Variants in CASK observed in about 807,000 individuals in gnomAD.
CASK encodes calcium/calmodulin dependent serine protein kinase.
CASK carries 4 observed loss-of-function variants against 82.9 expected under a neutral mutation model. That is an observed-to-expected ratio of 0.05 (90% CI 0.02 to 0.11). The LOEUF (loss-of-function observed/expected upper bound fraction) is 0.11. CASK is among the 10% of genes least tolerant of loss of function. CASK has a pLI of 1.00. For missense variants in CASK, 358 were observed against 720.9 expected (o/e 0.50, Z 5.76); for synonymous variants, 259 against 253.5 (o/e 1.02, Z -0.20).
intron 11 of CASK, among the ~76,000 whole-genome samples, chrX:41,612,511 C>G (rs1404297980): frequency 9.2e-6 from 1 of 108,582 alleles, no homozygotes; most frequent in Non-Finnish European, 1.9e-5. Flanking sequence ...CGGCAGCCAC[C>G]CCGTCCGGGA....
At chrX:41,726,881 C>T (rs1407101717) in intron 5 of CASK, 5 of 352,032 alleles carry the variant, frequency 1.4e-5, no homozygotes, top group Non-Finnish European at 2.4e-5. Context: ...CCATCCAATA[C>T]ATTTTTGTTA....
At chrX:41,894,876 C>T (rs1310994363) in intron 1 of CASK, among the ~76,000 whole-genome samples, 1 of 112,233 alleles carries the variant, frequency 8.9e-6, no homozygotes, top group African/African-American at 3.2e-5. Flanking sequence ...TCTAGCAGTA[C>T]TGACTTTAAG....
chrX:41,818,610 T>TA (rs2070463682), intron 2 of CASK, among the ~76,000 whole-genome samples: 1 of 110,569 alleles, frequency 9.0e-6, no homozygotes, highest in South Asian at 3.9e-4. Flanking sequence ...CTCTATTTTT[T>TA]AAAAAATCCA....
intron 2 of CASK, among the ~76,000 whole-genome samples, chrX:41,838,245 A>G (rs2070964578): frequency 8.9e-6 from 1 of 112,502 alleles, no homozygotes; most frequent in East Asian, 2.8e-4. Flanking sequence ...GATGTTGAAC[A>G]TATTTTCATG....
chrX:41,742,147 G>C (rs1043187630), intron 4 of CASK, among the ~76,000 whole-genome samples: 5 of 111,926 alleles, frequency 4.5e-5, no homozygotes, highest in African/African-American at 1.6e-4. Flanking sequence ...ATGGTAAGTA[G>C]AACACGGGAT....
chrX:41,848,733 A>T (rs1221668602), intron 2 of CASK, among the ~76,000 whole-genome samples: 1 of 112,074 alleles, frequency 8.9e-6, no homozygotes, highest in East Asian at 2.8e-4. Flanking sequence ...GCCTTAGAGG[A>T]GCTCCATCCC....
At chrX:41,732,749 G>C (rs1332486447) in intron 5 of CASK, among the ~76,000 whole-genome samples, 2 of 98,725 alleles carry the variant, frequency 2.0e-5, no homozygotes, top group Middle Eastern at 0.011. Flanking sequence ...TTTTTTTTTT[G>C]AGATGGAGTC....
At chrX:41,549,262 G>A (rs890430944) in intron 21 of CASK, among the ~76,000 whole-genome samples, 1 of 111,470 alleles carries the variant, frequency 9.0e-6, no homozygotes, top group South Asian at 3.8e-4. Context: ...GATGCCCACT[G>A]ACATCCCAGA....
Position 41,683,763 on chromosome X carries a change from T to A in CASK, c.430-12233A>T, listed in dbSNP as rs187948952. ...GTTCAAGGGTCAACTGTAATCTTGG[T>A]ACCTAATGATACTAACATAATTACT... On this transcript the variant is annotated intron_variant, in intron 5 of 26. Coordinates refer to ENST00000378163, the MANE Select transcript of CASK (RefSeq NM_001367721.1). Among the ~76,000 whole-genome samples the A allele has an allele frequency of 6.2e-5, 7 of 112,109 alleles. No individual in the cohort carries two copies. In the Admixed American group the frequency reaches 6.6e-4, roughly 11 times the overall value.
chrX:41,527,187 C>T (rs770612990), intron 25 of CASK, among the ~76,000 whole-genome samples: 4 of 107,059 alleles, frequency 3.7e-5, no homozygotes, highest in Non-Finnish European at 7.7e-5. Flanking sequence ...GAGAGAGAGA[C>T]GGGGACAGAG....
chrX:41,878,400 C>CT (rs2148020908), intron 1 of CASK, among the ~76,000 whole-genome samples: 1 of 110,789 alleles, frequency 9.0e-6, no homozygotes, highest in South Asian at 3.8e-4. Flanking sequence ...CAGAAGTGTT[C>CT]TTTTTTTTGT....
chrX:41,801,246 G>A (rs1476482923), intron 2 of CASK, among the ~76,000 whole-genome samples: 1 of 111,922 alleles, frequency 8.9e-6, no homozygotes, highest in Non-Finnish European at 1.9e-5. Flanking sequence ...ACTTAAGCAG[G>A]CTAATTCCTG....
intron 22 of CASK, among the ~76,000 whole-genome samples, chrX:41,537,110 G>A (rs1196572281): frequency 1.8e-5 from 2 of 111,566 alleles, no homozygotes; most frequent in Non-Finnish European, 3.8e-5. Context: ...ACCAAATTAA[G>A]ACTTGTCATT....
At chrX:41,717,663 AT>A (rs2068085671) in intron 5 of CASK, among the ~76,000 whole-genome samples, 1 of 111,991 alleles carries the variant, frequency 8.9e-6, no homozygotes, top group Non-Finnish European at 1.9e-5. Context: ...ACAAGACTGA[AT>A]GGAAGCCTGC....
At chrX:41,545,260 C>T (rs754793857) in intron 21 of CASK, among the ~76,000 whole-genome samples, 6 of 112,097 alleles carry the variant, frequency 5.4e-5, no homozygotes, top group South Asian at 3.7e-4. Flanking sequence ...ACTCCTGCTT[C>T]GTGTGATCCA....
At position 41,855,719 on chromosome X, in the gene CASK, G is replaced by A. The variant is rs1415976998; in HGVS notation, c.60-2492C>T. 1.2e-4 allele frequency among the ~76,000 whole-genome samples: 13 copies of A among 111,670 alleles called. No individual in the cohort carries two copies. The East Asian group carries it at 3.6e-3, about 31-fold the overall frequency. On this transcript the variant is annotated intron_variant, in intron 1 of 26. Coordinates refer to ENST00000378163, the MANE Select transcript of CASK (RefSeq NM_001367721.1). ...TCAATTCTTGAATATTTATGTGGGGGAAAATACTGGTAGAGATAGTTATAA... is the reference window on the plus strand; with the variant it reads ...TCAATTCTTGAATATTTATGTGGGGAAAAATACTGGTAGAGATAGTTATAA...
At chrX:41,864,486 C>A (rs762397343) in intron 1 of CASK, among the ~76,000 whole-genome samples, 14 of 111,739 alleles carry the variant, frequency 1.3e-4, no homozygotes, top group Non-Finnish European at 2.4e-4. Context: ...CACCCCGTTG[C>A]CCATGTAGCA....
At chrX:41,771,505 G>A (rs1007990007) in intron 3 of CASK, among the ~76,000 whole-genome samples, 27 of 111,550 alleles carry the variant, frequency 2.4e-4, no homozygotes, top group African/African-American at 8.5e-4. Context: ...TTATACACAC[G>A]AATATAATTT....
intron 8 of CASK, among the ~76,000 whole-genome samples, chrX:41,659,130 AT>A (rs1007352440): frequency 8.9e-6 from 1 of 111,790 alleles, no homozygotes; most frequent in African/African-American, 3.3e-5. Flanking sequence ...ATGTGGTCAA[AT>A]AAAAAGGGAT....
Sources: gnomAD v4.1 joint callset for allele counts (sites outside exome capture counted in the v4.1 genomes callset) on GRCh38, gnomAD v4.1.1 for gene constraint, MANE v1.5 for transcripts, NCBI Gene and HGNC (gene_info 2026-07-23, HGNC 2026-07-21) for gene names.